Variants in LMBR1 observed in about 807,000 individuals in gnomAD.
The protein encoded by LMBR1 is limb region 1 protein homolog.
In LMBR1, 52 loss-of-function variants were observed where a neutral mutation model predicts 73.9. The observed-to-expected ratio is 0.70, with a 90% CI of 0.56 to 0.89. The LOEUF is 0.89. Ranked by LOEUF, LMBR1 falls within the 40% of genes least tolerant of loss-of-function variation. LMBR1 has a pLI of 0.00. For synonymous variants in LMBR1, 215 were observed against 209.4 expected (o/e 1.03, Z -0.23); for missense variants, 539 against 579.8 (o/e 0.93, Z 0.72).
intron 4 of LMBR1, 39 bp downstream of exon 4, chr7:156,826,566 A>C (rs1658348624): frequency 7.9e-7 from 1 of 1,258,958 alleles, no homozygotes. Context: ...TAAAAAATTA[A>C]AATATTAATT....
chr7:156,853,882 C>T (rs1175142367), intron 1 of LMBR1, among the ~76,000 whole-genome samples: 1 of 151,700 alleles, frequency 6.6e-6, no homozygotes, highest in Non-Finnish European at 1.5e-5. Flanking sequence ...TCCCGAACTC[C>T]TACCTCAGGT....
At chr7:156,711,645 A>G (rs1812103397) in intron 15 of LMBR1, among the ~76,000 whole-genome samples, 1 of 152,320 alleles carries the variant, frequency 6.6e-6, no homozygotes, top group Admixed American at 6.5e-5. Context: ...GTACTAGTAT[A>G]AAAACAGACA....
chr7:156,729,475 CTT>C (rs5888691), intron 10 of LMBR1, among the ~76,000 whole-genome samples: 146 of 120,726 alleles, frequency 1.2e-3, no homozygotes, highest in Middle Eastern at 9.1e-3. Context: ...CCCTTCTATT[CTT>C]TTTTTTTTTT....
At chr7:156,687,940 G>A in intron 16 of LMBR1, 90 bp downstream of exon 16, 1 of 1,247,342 alleles carries the variant, frequency 8.0e-7, no homozygotes. Flanking sequence ...ACAAATTTGG[G>A]AAACTAAATA....
chr7:156,800,581 T>G (rs953655544), intron 4 of LMBR1, among the ~76,000 whole-genome samples: 1 of 151,170 alleles, frequency 6.6e-6, no homozygotes, highest in Non-Finnish European at 1.5e-5. Flanking sequence ...TTTAAAAAGA[T>G]CAATATTTTC....
At chr7:156,763,647 G>A (rs1823542680) in intron 6 of LMBR1, 22 bp downstream of exon 6, 2 of 1,554,088 alleles carry the variant, frequency 1.3e-6, no homozygotes, top group Non-Finnish European at 8.6e-7. Context: ...AAGGAAACTG[G>A]TTAAAACAAG....
At chr7:156,807,474 T>C (rs182544338) in intron 4 of LMBR1, among the ~76,000 whole-genome samples, 20 of 152,342 alleles carry the variant, frequency 1.3e-4, no homozygotes, top group Non-Finnish European at 2.2e-4. Context: ...TGGATAAAGG[T>C]GTTCATAATA....
chr7:156,718,958 T>G (rs1395268302), intron 15 of LMBR1, among the ~76,000 whole-genome samples: 2 of 150,690 alleles, frequency 1.3e-5, no homozygotes, highest in Non-Finnish European at 3.0e-5. Context: ...AGGGAAAAAC[T>G]TCTCAATGGT....
At chr7:156,761,925 C>G (rs1220706385) in intron 8 of LMBR1, among the ~76,000 whole-genome samples, 1 of 145,522 alleles carries the variant, frequency 6.9e-6, no homozygotes, top group Non-Finnish European at 1.5e-5. Context: ...TGCAGTGAGC[C>G]GAGATCGCAC....
At chr7:156,851,726 G>A (rs1175502034) in intron 1 of LMBR1, among the ~76,000 whole-genome samples, 6 of 152,040 alleles carry the variant, frequency 3.9e-5, no homozygotes, top group African/African-American at 9.7e-5. Context: ...TATTTAAGTC[G>A]TATAGATATA....
At chr7:156,760,238 A>G (rs762108894) in intron 8 of LMBR1, among the ~76,000 whole-genome samples, 2 of 152,208 alleles carry the variant, frequency 1.3e-5, no homozygotes, top group Non-Finnish European at 2.9e-5. Context: ...CTTTGAGGAA[A>G]AACTTGGGGT....
At chr7:156,741,690 A>G (rs1442435143) in intron 9 of LMBR1, among the ~76,000 whole-genome samples, 2 of 152,308 alleles carry the variant, frequency 1.3e-5, no homozygotes, top group African/African-American at 4.8e-5. Context: ...CCTCAATACA[A>G]TAACAGCTAG....
chr7:156,809,863 CTCA>C (rs1170081589), intron 4 of LMBR1, among the ~76,000 whole-genome samples: 4 of 152,122 alleles, frequency 2.6e-5, no homozygotes, highest in Non-Finnish European at 2.9e-5. Context: ...TACAGTTTTC[CTCA>C]TGTTTCTTGT....
chr7:156,878,481 C>T (rs1028125563), intron 1 of LMBR1, among the ~76,000 whole-genome samples: 4 of 152,126 alleles, frequency 2.6e-5, no homozygotes, highest in South Asian at 2.1e-4. Context: ...AAATAAAACA[C>T]TTAGGAATAT....
chr7:156,715,990 G>C (rs1203610785), intron 15 of LMBR1, among the ~76,000 whole-genome samples: 1 of 152,068 alleles, frequency 6.6e-6, no homozygotes, highest in Admixed American at 6.6e-5. Context: ...ATCTATTCTA[G>C]AACACAATAT....
In LMBR1 at chr7:156,763,931, T is replaced by G. The variant is rs1823608034; in HGVS notation, c.424-136A>C. 3 of 575,122 alleles carry G rather than the reference T, an allele frequency of 5.2e-6. No homozygotes were observed. The Admixed American group carries it at 1.2e-4, about 24-fold the overall frequency. 35.6% of individuals were successfully genotyped at this position (575,122 alleles called of 1,614,324 possible). A position where few individuals can be genotyped will look rare whatever the true frequency, so the allele number is the denominator to read the frequency against. On this transcript the variant is annotated intron_variant, in intron 5 of 16. Transcript: ENST00000353442. ...ATATTTATTAAAAGGAAAAAAACAC[T>G]AGGTACTTATGGTTTACAATGTTTA...
At chr7:156,803,679 A>T (rs1260625530) in intron 4 of LMBR1, among the ~76,000 whole-genome samples, 1 of 152,114 alleles carries the variant, frequency 6.6e-6, no homozygotes, top group Non-Finnish European at 1.5e-5. Context: ...TGCTGCTATA[A>T]AGACACATGC....
intron 1 of LMBR1, among the ~76,000 whole-genome samples, chr7:156,859,122 G>A (rs748643800): frequency 6.6e-5 from 10 of 152,016 alleles, no homozygotes; most frequent in African/African-American, 1.4e-4. Context: ...GTGTGGTGGC[G>A]CATGCCTGTA....
intron 15 of LMBR1, among the ~76,000 whole-genome samples, chr7:156,705,092 T>C (rs1486729267): frequency 6.6e-6 from 1 of 152,068 alleles, no homozygotes; most frequent in Non-Finnish European, 1.5e-5. Flanking sequence ...GGTCCAGTGG[T>C]CCATGAAAAA....
Sources: gnomAD v4.1 joint callset for allele counts (sites outside exome capture counted in the v4.1 genomes callset) on GRCh38, gnomAD v4.1.1 for gene constraint, MANE v1.5 for transcripts, NCBI Gene and HGNC (gene_info 2026-07-23, HGNC 2026-07-21) for gene names.